The following APPL1 variants were observed in gnomAD, a reference collection of about 807,000 sequenced individuals.
The protein encoded by APPL1 is adaptor protein, phosphotyrosine interacting with PH domain and leucine zipper 1.
In APPL1, 42 loss-of-function variants were observed where a neutral mutation model predicts 106.8. The ratio of observed to expected loss-of-function variants is 0.39; its 90% confidence interval spans 0.31 to 0.51. The LOEUF is 0.51. Ranked by LOEUF, APPL1 falls within the 20% of genes least tolerant of loss-of-function variation. The pLI is 0.75. For synonymous variants in APPL1, 263 were observed against 281.8 expected (o/e 0.93, Z 0.67); for missense variants, 769 against 858.2 (o/e 0.90, Z 1.30).
intron 15 of APPL1, among the ~76,000 whole-genome samples, chr3:57,257,673 A>T (rs2060844650): frequency 1.3e-5 from 2 of 152,096 alleles, no homozygotes; most frequent in African/African-American, 4.8e-5. Flanking sequence ...TATTAGGTCT[A>T]TTTCTTGGAT....
chr3:57,229,699 CTTTTTT>C lies in APPL1; in HGVS notation c.54+1785_54+1790del, dbSNP rs753258836. Among the ~76,000 whole-genome samples the C allele has an allele frequency of 4.2e-4, 39 of 93,110 alleles. 1 individual carries two copies. The highest frequency in any genetic ancestry group is 1.7e-3 in the African/African-American group (37 of 21,450). The allele number at this position is 93,110 out of a possible 152,430, so 61.1% of individuals were successfully genotyped here. A position where few individuals can be genotyped will look rare whatever the true frequency, so the allele number is the denominator to read the frequency against. Reference sequence around the variant, plus strand: ...ATACAGGCGTGTGCCACTGTGCCAGCTTTTTTTTTTTTTTTTTTTTTTTTTTTTCCT... The same window carrying C: ...ATACAGGCGTGTGCCACTGTGCCAGCTTTTTTTTTTTTTTTTTTTTTTCCT... On this transcript the variant is annotated intron_variant, in intron 1 of 21. Coordinates refer to ENST00000288266, the MANE Select transcript of APPL1 (RefSeq NM_012096.3).
At chr3:57,246,774 A>G (rs1041732785) in intron 8 of APPL1, among the ~76,000 whole-genome samples, 1 of 152,070 alleles carries the variant, frequency 6.6e-6, no homozygotes, top group Non-Finnish European at 1.5e-5. Context: ...AGGCCGAGGT[A>G]GGAGGATCAT....
chr3:57,244,766 A>G (rs536622849), intron 7 of APPL1, among the ~76,000 whole-genome samples: 6 of 152,238 alleles, frequency 3.9e-5, no homozygotes, highest in Non-Finnish European at 8.8e-5. Flanking sequence ...GTGTTATAGA[A>G]CAAACATACT....
chr3:57,227,986 C>T, intron 1 of APPL1, 49 bp downstream of exon 1: 1 of 1,375,324 alleles, frequency 7.3e-7, no homozygotes, highest in Non-Finnish European at 9.5e-7. Context: ...AGCTGGCCGA[C>T]CCCAGGTCTG....
rs182049419 is a variant in APPL1 at position 57,231,295 on chromosome 3, T to C, written c.54+3358T>C. Among the ~76,000 whole-genome samples the C allele has an allele frequency of 1.3e-3, 167 of 133,420 alleles. 1 individual carries two copies. The highest frequency in any genetic ancestry group is 4.5e-3 in the African/African-American group (160 of 35,766). The allele number at this position is 133,420 out of a possible 152,430, so 87.5% of individuals were successfully genotyped here. ...CGGGGGTTGCAGTGAGCCGAAATTG[T>C]ACCGTTGCACTCCAGCCCGGGCAAC... On this transcript the variant is annotated intron_variant, in intron 1 of 21. Transcript: ENST00000288266.
In APPL1 at chr3:57,238,421, T is replaced by C. The variant is rs147479479; in HGVS notation, c.285+305T>C. 4.4e-3 allele frequency among the ~76,000 whole-genome samples: 675 copies of C among 152,344 alleles called. 3 individuals are homozygous for C. The highest frequency in any genetic ancestry group is 0.014 in the Middle Eastern group (4 of 294). Reference sequence around the variant, plus strand: ...GGTAGTGAACTGCATCTGGGTTCTTTGTGGTTGCTCTTTTGCTATTAAGCA... The same window carrying C: ...GGTAGTGAACTGCATCTGGGTTCTTCGTGGTTGCTCTTTTGCTATTAAGCA... On this transcript the variant is annotated intron_variant, in intron 4 of 21. Transcript: ENST00000288266.
chr3:57,249,260 C>T (rs376909092), intron 10 of APPL1, 100 bp from the exon 11 acceptor site: 347 of 1,248,592 alleles, frequency 2.8e-4, no homozygotes, highest in African/African-American at 2.6e-3. Context: ...GGTGCCTCTT[C>T]GCAAGCCAGT....
intron 1 of APPL1, among the ~76,000 whole-genome samples, chr3:57,232,586 C>T (rs2060692718): frequency 6.6e-6 from 1 of 152,158 alleles, no homozygotes; most frequent in African/African-American, 2.4e-5. Flanking sequence ...GAATGAGTAT[C>T]AGTTTCTTGG....
intron 15 of APPL1, chr3:57,258,774 G>A: frequency 3.0e-6 from 1 of 338,252 alleles, no homozygotes; most frequent in Non-Finnish European, 5.3e-6. Context: ...GGTTTATTAT[G>A]TTGATTTTTT....
At chr3:57,242,168 T>C in intron 6 of APPL1, 26 bp downstream of exon 6, 4 of 1,559,808 alleles carry the variant, frequency 2.6e-6, no homozygotes, top group Non-Finnish European at 3.5e-6. Flanking sequence ...TGCACACTTA[T>C]TTCTTGCAGT....
At chr3:57,236,876 T>G (rs1397938040) in intron 2 of APPL1, among the ~76,000 whole-genome samples, 1 of 152,244 alleles carries the variant, frequency 6.6e-6, no homozygotes, top group Non-Finnish European at 1.5e-5. Context: ...TTTTTTTCCC[T>G]TCTCATATTG....
At chr3:57,245,537 T>C (rs1394653440) in intron 7 of APPL1, among the ~76,000 whole-genome samples, 1 of 151,190 alleles carries the variant, frequency 6.6e-6, no homozygotes, top group Non-Finnish European at 1.5e-5. Flanking sequence ...GAATTCTGTT[T>C]TCAATATGCA....
rs1435147453 is a variant in APPL1 at position 57,247,381 on chromosome 3, T to TC, written c.622-10dup. 1.3e-6 allele frequency: 2 copies of TC among 1,536,270 alleles called. No homozygotes were observed. The highest frequency in any genetic ancestry group is 1.8e-6 in the Non-Finnish European group (2 of 1,113,770). On this transcript the variant is annotated splice_polypyrimidine_tract_variant and intron_variant, in intron 8 of 21. Coordinates refer to ENST00000288266, the MANE Select transcript of APPL1 (RefSeq NM_012096.3). ...TTTTGTATTGTTCAATTCCCCCCACTCCCCACTCTCCAGATAAGTTTCTTT... is the reference window on the plus strand; with the variant it reads ...TTTTGTATTGTTCAATTCCCCCCACTCCCCCACTCTCCAGATAAGTTTCTTT...
At position 57,269,846 on chromosome 3, in the gene APPL1, C is replaced by T. The variant is rs1456848194; in HGVS notation, c.*159C>T. On this transcript the variant is annotated 3_prime_UTR_variant, in exon 22 of 22. Coordinates refer to ENST00000288266, the MANE Select transcript of APPL1 (RefSeq NM_012096.3). Reference sequence around the variant, plus strand: ...TTAAAAAAAAGATTGAACTTGATGACTTAGGTTTGCATTGATCTTTTTTCC... The same window carrying T: ...TTAAAAAAAAGATTGAACTTGATGATTTAGGTTTGCATTGATCTTTTTTCC... The T allele has an allele frequency of 1.4e-5, 12 of 840,582 alleles. No individual in the cohort carries two copies. Among genetic ancestry groups the T allele is most frequent in the Non-Finnish European group, 2.1e-5 (12 of 563,340 alleles). 52.1% of individuals were successfully genotyped at this position (840,582 alleles called of 1,614,324 possible). A position where few individuals can be genotyped will look rare whatever the true frequency, so the allele number is the denominator to read the frequency against.
At chr3:57,249,685 T>C in intron 11 of APPL1, 137 bp downstream of exon 11, 1 of 771,486 alleles carries the variant, frequency 1.3e-6, no homozygotes, top group Non-Finnish European at 1.9e-6. Flanking sequence ...TTTAATCTTG[T>C]AGAAATATAT....
chr3:57,253,105 T>A (rs2060813834), intron 12 of APPL1, among the ~76,000 whole-genome samples: 1 of 152,226 alleles, frequency 6.6e-6, no homozygotes, highest in Non-Finnish European at 1.5e-5. Context: ...TGAGGCTCTT[T>A]GGGCACTTGA....
At position 57,237,885 on chromosome 3, in the gene APPL1, G is replaced by A. The variant is rs58211963; in HGVS notation, c.214-160G>A. Among the ~76,000 whole-genome samples, 2,541 of 152,198 alleles carry A rather than the reference G, an allele frequency of 0.017. 76 individuals are homozygous for A. Among genetic ancestry groups the A allele is most frequent in the African/African-American group, 0.058 (2,413 of 41,498 alleles). On this transcript the variant is annotated intron_variant, in intron 3 of 21. Transcript: ENST00000288266. ...ATTGCTTACTTAATAAACAATTAAT[G>A]TTTATTATATACATTACACAATTTT...
intron 1 of APPL1, among the ~76,000 whole-genome samples, chr3:57,233,185 A>G (rs1244594996): frequency 6.6e-6 from 1 of 152,236 alleles, no homozygotes; most frequent in Non-Finnish European, 1.5e-5. Flanking sequence ...AAGACATAAG[A>G]AAACCTTAAA....
In APPL1 at chr3:57,246,098, A is replaced by G; in HGVS notation, c.497A>G (p.Asp166Gly). 4 of 1,605,796 alleles carry G rather than the reference A, an allele frequency of 2.5e-6. No individual in the cohort carries two copies. The highest frequency in any genetic ancestry group is 3.4e-6 in the Non-Finnish European group (4 of 1,176,750). ...NDKVKYEVTE[D>G]VYTSRKKQHQ... ...AAGGTGAAGTATGAAGTAACAGAAG[A>G]TGTGTACACATCCAGAAAGAAACAA... The change falls in exon 8 of 22, where the codon GAT becomes GGT. Residue 166 changes from aspartate (D) to glycine (G), a missense_variant. Physicochemically the swap from Asp to Gly is moderately conservative, Grantham distance 94 (BLOSUM62 -1). Transcript: ENST00000288266.
Sources: allele counts gnomAD v4.1 joint callset (sites outside exome capture counted in the v4.1 genomes callset), GRCh38; gene constraint gnomAD v4.1.1; transcripts MANE v1.5; gene names NCBI Gene and HGNC (gene_info 2026-07-23, HGNC 2026-07-21).